HECW1: variants seen among roughly 807,000 people sequenced by gnomAD.
The protein encoded by HECW1 is E3 ubiquitin-protein ligase HECW1.
In HECW1, 61 loss-of-function variants were observed where a neutral mutation model predicts 182.3. The observed-to-expected ratio is 0.33, with a 90% confidence interval of 0.27 to 0.41. The LOEUF (loss-of-function observed/expected upper bound fraction) is 0.41. HECW1 is among the 10% of genes least tolerant of loss of function. The pLI is 1.00. For missense variants in HECW1, 1,739 were observed against 2,108.9 expected (o/e 0.82, Z 3.44); for synonymous variants, 859 against 832.6 (o/e 1.03, Z -0.55).
chr7:43,138,819 G>A (rs1787850342), intron 2 of HECW1, among the ~76,000 whole-genome samples: 1 of 152,104 alleles, frequency 6.6e-6, no homozygotes, highest in Non-Finnish European at 1.5e-5. Context: ...GGGGAAGGGT[G>A]GGTGAGAGAT....
At chr7:43,148,090 T>C (rs1788911353) in intron 2 of HECW1, among the ~76,000 whole-genome samples, 1 of 152,096 alleles carries the variant, frequency 6.6e-6, no homozygotes, top group Admixed American at 6.5e-5. Flanking sequence ...CTGAGATGGA[T>C]TTGTGTGTAG....
chr7:43,547,801 A>C (rs2081623468), intron 26 of HECW1, among the ~76,000 whole-genome samples: 1 of 152,228 alleles, frequency 6.6e-6, no homozygotes, highest in African/African-American at 2.4e-5. Flanking sequence ...GCTTCTTGGG[A>C]GTATTTCCAG....
chr7:43,442,643 G>A lies in HECW1; in HGVS notation c.1045+14G>A, dbSNP rs766535850. On this transcript the variant is annotated intron_variant, in intron 10 of 29. Coordinates refer to ENST00000395891, the MANE Select transcript of HECW1 (RefSeq NM_015052.5). ...CCATCCACCCAGGTATTTTCAGCAT[G>A]AACTTCATGTCTTGTCCTAGGCTAG... is the stretch of plus-strand genomic sequence containing the variant. 2.6e-6 allele frequency: 4 copies of A among 1,550,824 alleles called. No individual in the cohort carries two copies. The highest frequency in any genetic ancestry group is 3.6e-6 in the Non-Finnish European group (4 of 1,123,280).
intron 5 of HECW1, among the ~76,000 whole-genome samples, chr7:43,326,136 G>A (rs1299076369): frequency 6.6e-6 from 1 of 152,188 alleles, no homozygotes; most frequent in Non-Finnish European, 1.5e-5. Flanking sequence ...GACCAGAGGG[G>A]CCAAAGGGGC....
At chr7:43,294,135 G>A (rs184786414) in intron 3 of HECW1, among the ~76,000 whole-genome samples, 77 of 152,328 alleles carry the variant, frequency 5.1e-4, no homozygotes, top group African/African-American at 1.8e-3. Context: ...ACTCTCATGT[G>A]CATTGCAGTG....
intron 5 of HECW1, among the ~76,000 whole-genome samples, chr7:43,341,018 A>G (rs192192220): frequency 1.4e-4 from 22 of 151,844 alleles, no homozygotes; most frequent in Non-Finnish European, 2.4e-4. Context: ...AGGGACTTGG[A>G]TGAAGCTGGA....
intron 2 of HECW1, among the ~76,000 whole-genome samples, chr7:43,202,215 C>T (rs1467574388): frequency 6.6e-6 from 1 of 152,150 alleles, no homozygotes; most frequent in Admixed American, 6.5e-5. Context: ...AACACAGAGT[C>T]TTGTACTAGA....
At chr7:43,557,790 C>T (rs975156893) in intron 29 of HECW1, among the ~76,000 whole-genome samples, 13 of 152,186 alleles carry the variant, frequency 8.5e-5, no homozygotes, top group Non-Finnish European at 1.3e-4. Flanking sequence ...CACATGTACT[C>T]ATTTGCACAT....
chr7:43,396,151 C>T (rs2075223350), intron 6 of HECW1, among the ~76,000 whole-genome samples: 1 of 152,170 alleles, frequency 6.6e-6, no homozygotes, highest in Non-Finnish European at 1.5e-5. Context: ...GAAGCAAAAA[C>T]CCTAGCTATT....
chr7:43,238,671 T>C (rs11974508), intron 2 of HECW1, among the ~76,000 whole-genome samples: 11,892 of 152,108 alleles, frequency 0.078, 653 homozygotes, highest in African/African-American at 0.15. Flanking sequence ...AATGTATGAA[T>C]GAATGAAAAT....
At chr7:43,118,178 T>A (rs1204484974) in intron 2 of HECW1, 1 of 152,570 alleles carries the variant, frequency 6.6e-6, no homozygotes, top group Non-Finnish European at 1.5e-5. Context: ...ATTTCACACT[T>A]TCTAGATATA....
At chr7:43,197,207 AG>A (rs561368122) in intron 2 of HECW1, among the ~76,000 whole-genome samples, 352 of 152,208 alleles carry the variant, frequency 2.3e-3, no homozygotes, top group African/African-American at 8.1e-3. Context: ...AGGAAAGATG[AG>A]GAAAAAAAAA....
intron 17 of HECW1, among the ~76,000 whole-genome samples, chr7:43,489,618 AT>A (rs2078852837): frequency 3.9e-5 from 6 of 152,362 alleles, no homozygotes; most frequent in Admixed American, 3.3e-4. Context: ...CAAGTAGGCC[AT>A]GGGCAATAAG....
chr7:43,529,519 G>A (rs2080896279), intron 24 of HECW1, among the ~76,000 whole-genome samples: 1 of 152,098 alleles, frequency 6.6e-6, no homozygotes, highest in South Asian at 2.1e-4. Context: ...CACCAGTCCT[G>A]TTACAGGGGC....
intron 2 of HECW1, among the ~76,000 whole-genome samples, chr7:43,142,851 G>A (rs759963009): frequency 3.5e-5 from 5 of 143,584 alleles, no homozygotes; most frequent in Admixed American, 2.1e-4. Flanking sequence ...AGCACAGGGT[G>A]TAAAATCGAC....
At position 43,432,538 on chromosome 7, in the gene HECW1, C is replaced by T. The variant is rs2076587826; in HGVS notation, c.802-5465C>T. 1.3e-5 allele frequency among the ~76,000 whole-genome samples: 2 copies of T among 152,194 alleles called. No homozygotes were observed. Among genetic ancestry groups the T allele is most frequent in the Admixed American group, 6.5e-5 (1 of 15,280 alleles). On this transcript the variant is annotated intron_variant, in intron 8 of 29. Transcript: ENST00000395891. The surrounding 1 kb of genome is among the most constrained non-coding windows in gnomAD (Gnocchi z 4.1). ...GAGCCTTTGGGAAGCCTTACTATAG[C>T]ATCTTCTGCTTTGTCATTTTCTGCC...
chr7:43,520,823 G>C lies in HECW1; in HGVS notation c.4019+11702G>C, dbSNP rs74963759. ...TCTATGCTTCTGTGCAAAATAGCTT[G>C]AGAAAGCACTGCTCTAATCTACTGT... On this transcript the variant is annotated intron_variant, in intron 24 of 29. Transcript: ENST00000395891. 1.1e-3 allele frequency among the ~76,000 whole-genome samples: 172 copies of C among 152,250 alleles called. 3 individuals are homozygous for C. The highest frequency in any genetic ancestry group is 9.8e-3 in the Admixed American group (150 of 15,300).
At chr7:43,372,802 T>G (rs932713532) in intron 6 of HECW1, among the ~76,000 whole-genome samples, 1 of 152,152 alleles carries the variant, frequency 6.6e-6, no homozygotes, top group Non-Finnish European at 1.5e-5. Context: ...TAGTCCTTGA[T>G]GCAAAGGGAA....
intron 3 of HECW1, chr7:43,245,895 T>C (rs1799337804): frequency 6.6e-6 from 1 of 152,222 alleles, no homozygotes; most frequent in South Asian, 2.1e-4. Context: ...AGGGAATCTA[T>C]GGCCCCATAA....
Sources: gnomAD v4.1 joint callset for allele counts (sites outside exome capture counted in the v4.1 genomes callset) on GRCh38, gnomAD v4.1.1 for gene constraint, Gnocchi (gnomAD v3.1) non-coding constraint, MANE v1.5 for transcripts, NCBI Gene and HGNC (gene_info 2026-07-23, HGNC 2026-07-21) for gene names.